ZFYVE28: variants seen among roughly 807,000 people sequenced by gnomAD.
The protein encoded by ZFYVE28 is zinc finger FYVE-type containing 28.
In ZFYVE28, 40 loss-of-function variants were observed where a neutral mutation model predicts 82.1. The observed-to-expected ratio is 0.49, with a 90% CI of 0.38 to 0.63. ZFYVE28 has a LOEUF of 0.63. ZFYVE28 is among the 30% of genes least tolerant of loss of function. The probability of loss-of-function intolerance (pLI) is 0.00; values close to 1 mark genes in which losing one functional copy is unlikely to be tolerated. For synonymous variants in ZFYVE28, 612 were observed against 546.1 expected, an observed-to-expected ratio of 1.12 and a Z score of -1.68; for missense variants, 1,321 against 1,242.1, an observed-to-expected ratio of 1.06 and a Z score of -0.96.
At chr4:2,318,536 G>A (rs989964797) in intron 7 of ZFYVE28, among the ~76,000 whole-genome samples, 2 of 152,220 alleles carry the variant, frequency 1.3e-5, no homozygotes, top group East Asian at 1.9e-4. Context: ...GGACAGTAAC[G>A]GATAAGTCCT....
Position 2,270,615 on chromosome 4 carries a change from T to G in ZFYVE28, c.*110A>C, listed in dbSNP as rs535157807. The G allele has an allele frequency of 3.3e-6, 5 of 1,496,996 alleles. No homozygotes were observed. Among genetic ancestry groups the G allele is most frequent in the South Asian group, 2.5e-5 (2 of 79,204 alleles). 92.7% of individuals were successfully genotyped at this position (1,496,996 alleles called of 1,614,324 possible). A position where few individuals can be genotyped will look rare whatever the true frequency, so the allele number is the denominator to read the frequency against. ...GATGCTCTGGAGGTCTGGGTGCCCC[T>G]GCAGCAGCGGCAGCGGCCTCATGAG... On this transcript the variant is annotated 3_prime_UTR_variant, in exon 13 of 13. Coordinates refer to ENST00000290974, the MANE Select transcript of ZFYVE28 (RefSeq NM_020972.3).
intron 6 of ZFYVE28, among the ~76,000 whole-genome samples, chr4:2,333,284 C>T (rs1460272550): frequency 4.3e-5 from 6 of 140,466 alleles, no homozygotes; most frequent in Admixed American, 7.1e-5. Flanking sequence ...GCTGCCCCCC[C>T]ACCTCCCTCC....
At chr4:2,329,841 A>G (rs968320028) in intron 6 of ZFYVE28, among the ~76,000 whole-genome samples, 2 of 152,186 alleles carry the variant, frequency 1.3e-5, no homozygotes, top group African/African-American at 4.8e-5. Flanking sequence ...CTGGATATCC[A>G]TCCCTTCTCA....
rs1177290864 is a variant in ZFYVE28, at chr4:2,418,259, C to A, written c.39+26G>T. The stretch of plus-strand genomic sequence containing the variant: ...AAGGGAGAGGCCGCGACGCGGGGGG[C>A]GTCCGGCCCGAGCGGGGCCGCTCAC... On this transcript the variant is annotated intron_variant, in intron 1 of 12. Coordinates refer to ENST00000290974, the MANE Select transcript of ZFYVE28 (RefSeq NM_020972.3). The surrounding 1 kb of genome is among the most constrained non-coding windows in gnomAD (Gnocchi z 4.6). The A allele has an allele frequency of 7.2e-6, 11 of 1,531,568 alleles. No individual in the cohort carries two copies. Among genetic ancestry groups the A allele is most frequent in the Non-Finnish European group, 8.8e-6 (10 of 1,138,398 alleles). 94.9% of individuals were successfully genotyped at this position (1,531,568 alleles called of 1,614,324 possible).
chr4:2,360,561 G>A (rs551309162), intron 1 of ZFYVE28, among the ~76,000 whole-genome samples: 1 of 152,246 alleles, frequency 6.6e-6, no homozygotes, highest in South Asian at 2.1e-4. Context: ...GCAGTGCCTG[G>A]GGCGGGAGCA....
At chr4:2,310,506 CAAAAAA>C (rs1004903055) in intron 7 of ZFYVE28, among the ~76,000 whole-genome samples, 3 of 151,220 alleles carry the variant, frequency 2.0e-5, no homozygotes, top group African/African-American at 7.3e-5. Flanking sequence ...TATTGAAAAA[CAAAAAA>C]AAGAGTTAGG....
chr4:2,346,129 C>T (rs1159291689), intron 2 of ZFYVE28, among the ~76,000 whole-genome samples: 1 of 147,784 alleles, frequency 6.8e-6, no homozygotes, highest in East Asian at 2.0e-4. Flanking sequence ...GAGATCGAGA[C>T]CATCCTGGCT....
chr4:2,309,275 G>A (rs1364766611), intron 7 of ZFYVE28, among the ~76,000 whole-genome samples: 8 of 152,256 alleles, frequency 5.3e-5, no homozygotes, highest in Admixed American at 2.6e-4. Flanking sequence ...CACGAGGTCC[G>A]CACAAGAAAT....
At position 2,417,682 on chromosome 4, in the gene ZFYVE28, C is replaced by A. The variant is rs940101485; in HGVS notation, c.39+603G>T. Among the ~76,000 whole-genome samples, 13 of 151,830 alleles carry A rather than the reference C, an allele frequency of 8.6e-5. No homozygotes were observed. The highest frequency in any genetic ancestry group is 2.9e-4 in the African/African-American group (12 of 41,300). ...GTCAGTCCTGGTTCGGGAAGGGAGG[C>A]CGTTGGCAGGGCCATCAGGATCCTC... On this transcript the variant is annotated intron_variant, in intron 1 of 12. Coordinates refer to ENST00000290974, the MANE Select transcript of ZFYVE28 (RefSeq NM_020972.3). The surrounding 1 kb of genome is among the most constrained non-coding windows in gnomAD (Gnocchi z 4.8).
intron 7 of ZFYVE28, among the ~76,000 whole-genome samples, chr4:2,315,235 T>TTGCTGGTTATAAAA (rs1718035387): frequency 6.6e-6 from 1 of 152,230 alleles, no homozygotes; most frequent in Non-Finnish European, 1.5e-5. Flanking sequence ...AAGGATATTA[T>TTGCTGGTTATAAAA]TGCTGGTTAT....
At chr4:2,319,358 C>T (rs190753069) in intron 7 of ZFYVE28, among the ~76,000 whole-genome samples, 133 of 152,318 alleles carry the variant, frequency 8.7e-4, no homozygotes, top group Non-Finnish European at 1.3e-3. Context: ...CCAAGGACCA[C>T]CTGCCAAGGC....
intron 6 of ZFYVE28, chr4:2,328,798 TTTG>T (rs946825158): frequency 1.1e-5 from 3 of 270,368 alleles, no homozygotes; most frequent in African/African-American, 6.6e-5. Flanking sequence ...AGGGTCCAAC[TTTG>T]TTCTTTTTTT....
In ZFYVE28 at chr4:2,304,390, T is replaced by G. The variant is rs757805433; in HGVS notation, c.1950A>C (p.Gln650His). The G allele has an allele frequency of 1.2e-6, 2 of 1,612,884 alleles. No homozygotes were observed. The highest frequency in any genetic ancestry group is 4.5e-5 in the East Asian group (2 of 44,878). The change falls in exon 8 of 13, where the codon CAA (glutamine) becomes CAC (histidine). Residue 650 changes from glutamine (Q) to histidine (H), a missense_variant. Transcript: ENST00000290974. ...GCTGACCTGCAACCCCAGCCTCTCC[T>G]TGCAGCCCACTCGCTGTGTCCACCT... The part of the protein sequence containing the change: ...GSQVDTASGL[Q>H]GEAGVAGQQE...
At chr4:2,407,346 T>C (rs1732032576) in intron 1 of ZFYVE28, among the ~76,000 whole-genome samples, 1 of 152,056 alleles carries the variant, frequency 6.6e-6, no homozygotes, top group African/African-American at 2.4e-5. Flanking sequence ...CGCTCCACAG[T>C]CCTCCAGGCC....
chr4:2,395,924 G>A (rs1340371195), intron 1 of ZFYVE28, among the ~76,000 whole-genome samples: 1 of 152,208 alleles, frequency 6.6e-6, no homozygotes, highest in East Asian at 1.9e-4. Flanking sequence ...TGCATTGTGG[G>A]ATGGCTAGCA....
At chr4:2,349,486 G>C (rs1411158357) in intron 2 of ZFYVE28, among the ~76,000 whole-genome samples, 1 of 152,010 alleles carries the variant, frequency 6.6e-6, no homozygotes. Flanking sequence ...CCTGCACATT[G>C]TGCACATGTA....
intron 8 of ZFYVE28, among the ~76,000 whole-genome samples, chr4:2,303,826 G>A (rs374381561): frequency 6.6e-5 from 10 of 152,236 alleles, no homozygotes; most frequent in African/African-American, 9.6e-5. Context: ...GTTTCAGCCC[G>A]GTGTGAGCCA....
chr4:2,304,642 G>A lies in ZFYVE28; in HGVS notation c.1698C>T (p.Cys566=), dbSNP rs747823964. The change falls in exon 8 of 13, where the codon TGC becomes TGT. Residue 566 remains cysteine (C), a synonymous_variant. Transcript: ENST00000290974. ...ATNCLLHSCV[C]CGSCGDSRED... ...CCCTGCTGTCCCCGCAGCTCCCACA[G>A]CACACGCAGGAATGCAGAAGGCAGT... The A allele has an allele frequency of 1.9e-6, 3 of 1,612,606 alleles. No individual in the cohort carries two copies. Among genetic ancestry groups the A allele is most frequent in the South Asian group, 1.1e-5 (1 of 91,070 alleles).
chr4:2,367,881 C>T (rs3128821), intron 1 of ZFYVE28, among the ~76,000 whole-genome samples: 101,294 of 151,908 alleles, frequency 0.67, 34,127 homozygotes, highest in East Asian at 0.8. Context: ...GGTTGCTCCT[C>T]TAATCACGGA....
Sources: allele counts gnomAD v4.1 joint callset (sites outside exome capture counted in the v4.1 genomes callset), GRCh38; gene constraint gnomAD v4.1.1; non-coding constraint Gnocchi (gnomAD v3.1); transcripts MANE v1.5; gene names NCBI Gene and HGNC (gene_info 2026-07-23, HGNC 2026-07-21).